The following PAPPA2 variants were observed in gnomAD, a reference collection of about 807,000 sequenced individuals.
PAPPA2 encodes the protein pappalysin-2.
In PAPPA2, 86 loss-of-function variants were observed where a neutral mutation model predicts 176.4. The observed-to-expected ratio is 0.49, with a 90% CI of 0.41 to 0.58. The LOEUF (loss-of-function observed/expected upper bound fraction) is 0.58, where lower values mean the gene tolerates loss of function less well. Ranked by LOEUF, PAPPA2 falls within the 20% of genes least tolerant of loss-of-function variation. The pLI, the probability that PAPPA2 is intolerant of heterozygous loss-of-function variation, is 0.00. For missense variants in PAPPA2, 2,073 were observed against 2,256.9 expected, an observed-to-expected ratio of 0.92 and a Z score of 1.65; for synonymous variants, 809 against 852.2, an observed-to-expected ratio of 0.95 and a Z score of 0.88.
At chr1:176,759,220 T>G (rs565800823) in intron 14 of PAPPA2, among the ~76,000 whole-genome samples, 1 of 152,260 alleles carries the variant, frequency 6.6e-6, no homozygotes, top group Non-Finnish European at 1.5e-5. Flanking sequence ...ACCCTGATTT[T>G]AAGTCTGAGC....
intron 2 of PAPPA2, among the ~76,000 whole-genome samples, chr1:176,591,970 C>G (rs924544620): frequency 6.6e-6 from 1 of 152,180 alleles, no homozygotes. Context: ...TTTCGTTCTA[C>G]TAAGCTCAGT....
intron 17 of PAPPA2, among the ~76,000 whole-genome samples, chr1:176,778,365 A>G (rs1664557294): frequency 6.6e-6 from 1 of 152,186 alleles, no homozygotes. Context: ...TTAAAAAATT[A>G]GGATGAGCAA....
chr1:176,650,311 A>T (rs1367550521), intron 3 of PAPPA2, among the ~76,000 whole-genome samples: 1 of 149,550 alleles, frequency 6.7e-6, no homozygotes, highest in Non-Finnish European at 1.5e-5. Flanking sequence ...TGTGGGCAGC[A>T]TGTAATTGGG....
chr1:176,777,065 C>G (rs992665617), intron 17 of PAPPA2, among the ~76,000 whole-genome samples: 1 of 152,078 alleles, frequency 6.6e-6, no homozygotes, highest in Non-Finnish European at 1.5e-5. Context: ...CTTCATTTCT[C>G]TCAGCCCTTT....
At chr1:176,591,629 C>A (rs937454509) in intron 2 of PAPPA2, among the ~76,000 whole-genome samples, 1 of 152,154 alleles carries the variant, frequency 6.6e-6, no homozygotes, top group Non-Finnish European at 1.5e-5. Flanking sequence ...GATAGTATTG[C>A]TTTGTAAATA....
intron 14 of PAPPA2, among the ~76,000 whole-genome samples, chr1:176,753,091 T>C (rs961540100): frequency 6.6e-6 from 1 of 152,180 alleles, no homozygotes; most frequent in Non-Finnish European, 1.5e-5. Flanking sequence ...CCCCAGAGAA[T>C]TTCTGGAAGG....
Position 176,664,821 on chromosome 1 carries a change from G to A in PAPPA2, c.1992-6149G>A, listed in dbSNP as rs1048171129. 1.1e-4 allele frequency among the ~76,000 whole-genome samples: 17 copies of A among 152,240 alleles called. 1 individual carries two copies. Among genetic ancestry groups the A allele is most frequent in the Admixed American group, 9.8e-4 (15 of 15,292 alleles). ...ATGTTTTGTGTATAATGTCTTGTCA[G>A]GTTTTCCATATTTGAATTTCAAGAA... On this transcript the variant is annotated intron_variant, in intron 3 of 22. Coordinates refer to ENST00000367662, the MANE Select transcript of PAPPA2 (RefSeq NM_020318.3).
At chr1:176,814,998 T>C (rs886173342) in intron 21 of PAPPA2, among the ~76,000 whole-genome samples, 1 of 152,192 alleles carries the variant, frequency 6.6e-6, no homozygotes, top group Admixed American at 6.5e-5. Flanking sequence ...AATGAAGAGA[T>C]ACTGGATTTT....
In PAPPA2 at chr1:176,556,222, A is replaced by T; in HGVS notation, c.-101A>T. ...TGTGAACAAAACAGTTTCCCTGGTG[A>T]CTGCAAATCCATTGCTAGCTGCCTC... On this transcript the variant is annotated 5_prime_UTR_variant, in exon 2 of 23. Coordinates refer to ENST00000367662, the MANE Select transcript of PAPPA2 (RefSeq NM_020318.3). 1 of 1,331,820 alleles carries T rather than the reference A, an allele frequency of 7.5e-7. No homozygotes were observed. The highest frequency in any genetic ancestry group is 1.0e-6 in the Non-Finnish European group (1 of 973,700). 82.5% of individuals were successfully genotyped at this position (1,331,820 alleles called of 1,614,324 possible). A position where few individuals can be genotyped will look rare whatever the true frequency, so the allele number is the denominator to read the frequency against.
intron 3 of PAPPA2, among the ~76,000 whole-genome samples, chr1:176,635,027 G>A (rs1489290524): frequency 6.6e-6 from 1 of 151,580 alleles, no homozygotes; most frequent in Non-Finnish European, 1.5e-5. Context: ...GCACAGCAAA[G>A]CAAAGGACTG....
chr1:176,690,640 G>A, intron 5 of PAPPA2: 2 of 1,370,126 alleles, frequency 1.5e-6, no homozygotes, highest in Non-Finnish European at 1.9e-6. Context: ...TTTGTTCACT[G>A]AATTCTCCTC....
chr1:176,498,447 T>C (rs778165044), intron 1 of PAPPA2, among the ~76,000 whole-genome samples: 2 of 152,092 alleles, frequency 1.3e-5, no homozygotes, highest in Non-Finnish European at 2.9e-5. Flanking sequence ...TCTAAGATGG[T>C]GAGGATAGAA....
chr1:176,662,885 T>C (rs187367025), intron 3 of PAPPA2, among the ~76,000 whole-genome samples: 8 of 152,356 alleles, frequency 5.3e-5, no homozygotes, highest in Admixed American at 5.2e-4. Context: ...ACTAAAAATA[T>C]AGAGGTTTAT....
intron 3 of PAPPA2, chr1:176,616,299 T>G: frequency 5.7e-6 from 3 of 528,792 alleles, no homozygotes; most frequent in Admixed American, 4.4e-5. Flanking sequence ...TATATGACTA[T>G]TGGAATCTTT....
chr1:176,674,560 C>T (rs761238116), intron 4 of PAPPA2, among the ~76,000 whole-genome samples: 11 of 152,058 alleles, frequency 7.2e-5, no homozygotes, highest in Non-Finnish European at 1.5e-4. Context: ...TGTTCTCCAG[C>T]TCCATCTAGG....
chr1:176,753,632 T>C (rs946052597), intron 14 of PAPPA2, among the ~76,000 whole-genome samples: 1 of 151,494 alleles, frequency 6.6e-6, no homozygotes, highest in Non-Finnish European at 1.5e-5. Flanking sequence ...TCATCTATTA[T>C]TTTTATCATA....
chr1:176,660,918 C>T (rs1658323973), intron 3 of PAPPA2, among the ~76,000 whole-genome samples: 1 of 152,048 alleles, frequency 6.6e-6, no homozygotes, highest in Admixed American at 6.6e-5. Context: ...TCTCCTGTTT[C>T]CTGTATCAGG....
intron 8 of PAPPA2, among the ~76,000 whole-genome samples, chr1:176,701,904 C>T (rs1660665357): frequency 1.3e-5 from 2 of 152,122 alleles, no homozygotes; most frequent in Non-Finnish European, 2.9e-5. Context: ...TGCCTTTCAC[C>T]CTCACCACAC....
At chr1:176,838,451 G>A (rs1667358140) in intron 21 of PAPPA2, among the ~76,000 whole-genome samples, 3 of 152,186 alleles carry the variant, frequency 2.0e-5, no homozygotes, top group African/African-American at 7.2e-5. Context: ...CAGGGTTGGA[G>A]CAAAAGTAAC....
Sources: allele counts gnomAD v4.1 joint callset (sites outside exome capture counted in the v4.1 genomes callset), GRCh38; gene constraint gnomAD v4.1.1; transcripts MANE v1.5; gene names NCBI Gene and HGNC (gene_info 2026-07-23, HGNC 2026-07-21).